Variants in LIMCH1 observed in about 807,000 individuals in gnomAD.
LIMCH1 encodes the protein LIM and calponin homology domains-containing protein 1.
A neutral mutation model predicts 176.5 loss-of-function variants in LIMCH1; 113 were observed. That is an observed-to-expected ratio of 0.64 (90% CI 0.55 to 0.75). The LOEUF is 0.75. Ranked by LOEUF, LIMCH1 falls within the 30% of genes least tolerant of loss-of-function variation. The probability of loss-of-function intolerance (pLI) is 0.00; values close to 1 mark genes in which losing one functional copy is unlikely to be tolerated. For synonymous variants in LIMCH1, 619 were observed against 645.9 expected, an observed-to-expected ratio of 0.96 and a Z score of 0.63; for missense variants, 1,674 against 1,814.9, an observed-to-expected ratio of 0.92 and a Z score of 1.41.
intron 13 of LIMCH1, 92 bp downstream of exon 13, chr4:41,633,900 T>C (rs1299164857): frequency 8.4e-6 from 11 of 1,303,528 alleles, no homozygotes; most frequent in Non-Finnish European, 1.1e-5. Flanking sequence ...CAGTGCCGCT[T>C]ACCTGCTGTT....
At chr4:41,523,315 C>T (rs1183577035) in intron 2 of LIMCH1, among the ~76,000 whole-genome samples, 1 of 152,168 alleles carries the variant, frequency 6.6e-6, no homozygotes, top group East Asian at 1.9e-4. Flanking sequence ...CCTCAGGTCT[C>T]CATTGTAACT....
At chr4:41,531,473 G>GAC (rs2077279548) in intron 3 of LIMCH1, among the ~76,000 whole-genome samples, 1 of 42,158 alleles carries the variant, frequency 2.4e-5, no homozygotes, top group Non-Finnish European at 4.7e-5. Flanking sequence ...GTCTTTCTCT[G>GAC]TCACACACAC....
In LIMCH1 at chr4:41,670,844, G is replaced by A. The variant is rs878921075; in HGVS notation, c.3398-710G>A. The A allele has an allele frequency of 9.8e-6, 15 of 1,531,886 alleles. No individual in the cohort carries two copies. In the South Asian group the frequency reaches 1.4e-4, roughly 15 times the overall value. The allele number at this position is 1,531,886 out of a possible 1,614,324, so 94.9% of individuals were successfully genotyped here. A position where few individuals can be genotyped will look rare whatever the true frequency, so the allele number is the denominator to read the frequency against. On this transcript the variant is annotated intron_variant, in intron 21 of 31. Coordinates refer to ENST00000503057, the MANE Select transcript of LIMCH1 (RefSeq NM_001330672.2). ...TTCTTTTGTGCGAAAATCCATGTTG[G>A]GGCGATCAATGATGTGTGGCACTTG... is the stretch of plus-strand genomic sequence containing the variant.
At chr4:41,523,971 G>T (rs1453057848) in intron 2 of LIMCH1, among the ~76,000 whole-genome samples, 1 of 152,190 alleles carries the variant, frequency 6.6e-6, no homozygotes, top group Non-Finnish European at 1.5e-5. Context: ...CTTAGAATGT[G>T]TCTTGGCGAA....
At chr4:41,361,073 C>G in intron 1 of LIMCH1, 1 of 547,590 alleles carries the variant, frequency 1.8e-6, no homozygotes, top group African/African-American at 2.0e-5. Context: ...AGGTCACCCC[C>G]CCGGGCCTCG....
At chr4:41,539,181 C>G (rs563490872) in intron 1 of LIMCH1, among the ~76,000 whole-genome samples, 118 of 152,174 alleles carry the variant, frequency 7.8e-4, no homozygotes, top group African/African-American at 1.2e-3. Flanking sequence ...TTTTTATCAC[C>G]TTTATTCAGC....
intron 1 of LIMCH1, among the ~76,000 whole-genome samples, chr4:41,383,790 G>A (rs2056075421): frequency 6.6e-6 from 1 of 152,072 alleles, no homozygotes; most frequent in Admixed American, 6.5e-5. Flanking sequence ...GGTGATTCTG[G>A]TGTGTGACCA....
At chr4:41,643,040 G>A (rs189819865) in intron 14 of LIMCH1, among the ~76,000 whole-genome samples, 1 of 152,314 alleles carries the variant, frequency 6.6e-6, no homozygotes, top group East Asian at 1.9e-4. Flanking sequence ...GGGGAAGACA[G>A]GTTACAAGTA....
chr4:41,429,627 G>A lies in LIMCH1; in HGVS notation c.97-64909G>A, dbSNP rs184769000. The stretch of plus-strand genomic sequence containing the variant: ...TGGTGAGGTCCGCAGAAGTGGTCAT[G>A]GCACTTATATTTTTCCAGTTTGCCT... On this transcript the variant is annotated intron_variant, in intron 1 of 26. Coordinates refer to the LIMCH1 transcript ENST00000313860. Among the ~76,000 whole-genome samples, 6 of 152,268 alleles carry A rather than the reference G, an allele frequency of 3.9e-5. No individual in the cohort carries two copies. The East Asian group carries it at 9.6e-4, about 24-fold the overall frequency.
chr4:41,660,693 G>T (rs1191055869), intron 18 of LIMCH1, among the ~76,000 whole-genome samples: 1 of 152,166 alleles, frequency 6.6e-6, no homozygotes, highest in Non-Finnish European at 1.5e-5. Flanking sequence ...AGGTGAAACC[G>T]AAGCTCTGAT....
At chr4:41,579,577 A>AT (rs1364321527) in intron 1 of LIMCH1, among the ~76,000 whole-genome samples, 1 of 152,172 alleles carries the variant, frequency 6.6e-6, no homozygotes, top group Non-Finnish European at 1.5e-5. Flanking sequence ...CGCATCATGT[A>AT]TATGTGTCTA....
chr4:41,686,169 A>G (rs1720603377), intron 28 of LIMCH1, among the ~76,000 whole-genome samples: 1 of 152,204 alleles, frequency 6.6e-6, no homozygotes, highest in Non-Finnish European at 1.5e-5. Context: ...CGTTCAAGGA[A>G]AAAAATGTTA....
At chr4:41,616,250 C>A (rs1485428670) in intron 5 of LIMCH1, among the ~76,000 whole-genome samples, 1 of 151,832 alleles carries the variant, frequency 6.6e-6, no homozygotes, top group Non-Finnish European at 1.5e-5. Flanking sequence ...GTGTGTACGG[C>A]AAAGATACAT....
chr4:41,695,088 A>G (rs1018606228), intron 31 of LIMCH1, among the ~76,000 whole-genome samples: 2 of 151,902 alleles, frequency 1.3e-5, no homozygotes, highest in African/African-American at 2.4e-5. Flanking sequence ...CCTGATTTGT[A>G]TGAGTTCTTT....
At chr4:41,680,410 A>G (rs2153043375) in intron 24 of LIMCH1, among the ~76,000 whole-genome samples, 1 of 152,340 alleles carries the variant, frequency 6.6e-6, no homozygotes, top group South Asian at 2.1e-4. Context: ...AATCAGTTCC[A>G]TTCATTTGTG....
chr4:41,596,616 AC>A (rs199507809), intron 1 of LIMCH1, among the ~76,000 whole-genome samples: 39 of 152,292 alleles, frequency 2.6e-4, no homozygotes, highest in African/African-American at 8.7e-4. Context: ...CTGTATCACC[AC>A]TTTTTTCAAT....
chr4:41,607,836 ACT>A (rs2090929914), intron 4 of LIMCH1, among the ~76,000 whole-genome samples: 1 of 152,140 alleles, frequency 6.6e-6, no homozygotes, highest in African/African-American at 2.4e-5. Flanking sequence ...TGGATACATG[ACT>A]CTTAGCAAAA....
chr4:41,363,789 C>T (rs2154091751), intron 1 of LIMCH1, among the ~76,000 whole-genome samples: 1 of 152,276 alleles, frequency 6.6e-6, no homozygotes, highest in Admixed American at 6.5e-5. Context: ...CACGTGGGGA[C>T]AGCCCTTTAA....
chr4:41,565,126 C>T (rs1183467715), intron 1 of LIMCH1, among the ~76,000 whole-genome samples: 2 of 152,008 alleles, frequency 1.3e-5, no homozygotes, highest in African/African-American at 4.8e-5. Flanking sequence ...TCAAATTAGA[C>T]CTTGGTAGGT....
Sources: allele counts gnomAD v4.1 joint callset (sites outside exome capture counted in the v4.1 genomes callset), GRCh38; gene constraint gnomAD v4.1.1; transcripts MANE v1.5; gene names NCBI Gene and HGNC (gene_info 2026-07-23, HGNC 2026-07-21).